The following SNX30 variants were observed in gnomAD, a reference collection of about 807,000 sequenced individuals.
SNX30 encodes sorting nexin family member 30, also known as sorting nexin-30.
Under a neutral mutation model 46.4 loss-of-function variants are expected in SNX30, and 24 were observed. The ratio of observed to expected loss-of-function variants is 0.52; its 90% confidence interval spans 0.37 to 0.73. The LOEUF (loss-of-function observed/expected upper bound fraction) is 0.73, where lower values mean the gene tolerates loss of function less well. Ranked by LOEUF, SNX30 falls within the 30% of genes least tolerant of loss-of-function variation. The pLI is 0.00. For synonymous variants in SNX30, 189 were observed against 211.5 expected, an observed-to-expected ratio of 0.89 and a Z score of 0.92; for missense variants, 533 against 555.7, an observed-to-expected ratio of 0.96 and a Z score of 0.41.
rs139781990 is a variant in SNX30, at chr9:112,822,536, G to GTTTTTTTTT, written c.459+4725_459+4726insTTTTTTTTT. ...TTTTCTTTTGTCCCTTTGCTGTTTT[G>GTTTTTTTTT]TTTTGTTTTTTTTTTTTGTAAGAAC... On this transcript the variant is annotated intron_variant, in intron 3 of 8. Transcript: ENST00000374232. Among the ~76,000 whole-genome samples, 103 of 123,672 alleles carry GTTTTTTTTT rather than the reference G, an allele frequency of 8.3e-4. 8 individuals are homozygous for GTTTTTTTTT. The highest frequency in any genetic ancestry group is 4.7e-3 in the Middle Eastern group (1 of 212). 81.1% of individuals were successfully genotyped at this position (123,672 alleles called of 152,430 possible). A position where few individuals can be genotyped will look rare whatever the true frequency, so the allele number is the denominator to read the frequency against.
chr9:112,878,699 G>A (rs56024259), downstream of SNX30: 22,720 of 152,156 alleles, frequency 0.15, 1,914 homozygotes, highest in Non-Finnish European at 0.19. Flanking sequence ...ACACAGTCAC[G>A]TGCTATTCTT....
At chr9:112,885,440 G>GTATATATATATATGTGTATATA (rs1554759747), downstream of SNX30, 1 of 147,498 alleles carries the variant, frequency 6.8e-6, no homozygotes, top group African/African-American at 2.5e-5. Context: ...ATATATATGT[G>GTATATATATATATGTGTATATA]TATATATATA....
intron 1 of SNX30, among the ~76,000 whole-genome samples, chr9:112,791,710 G>C (rs1367552349): frequency 2.0e-5 from 3 of 151,974 alleles, no homozygotes; most frequent in African/African-American, 7.3e-5. Context: ...CACCTGGCCG[G>C]GAACTTTCTT....
intron 1 of SNX30, among the ~76,000 whole-genome samples, chr9:112,795,184 G>T (rs1034326122): frequency 6.6e-5 from 10 of 152,154 alleles, no homozygotes; most frequent in African/African-American, 2.4e-4. Flanking sequence ...GTCTGTGTGT[G>T]TGTGTATGAG....
At chr9:112,751,516 A>G (rs1338145318) in intron 1 of SNX30, among the ~76,000 whole-genome samples, 1 of 152,222 alleles carries the variant, frequency 6.6e-6, no homozygotes, top group Non-Finnish European at 1.5e-5. Context: ...GAGCTGCTGC[A>G]TAACTTGTAG....
In SNX30 at chr9:112,750,955, G is replaced by T. The variant is rs894100720; in HGVS notation, c.-47G>T. 7.5e-6 allele frequency: 9 copies of T among 1,197,488 alleles called. No homozygotes were observed. In the African/African-American group the frequency reaches 1.1e-4, roughly 15 times the overall value. The allele number at this position is 1,197,488 out of a possible 1,614,324, so 74.2% of individuals were successfully genotyped here. Reference sequence around the variant, plus strand: ...GGGTGCTCGGGGAGCTCGCCGCGGCGGGCAGCAGGAGGAAGCGGCGGCGGC... The same window carrying T: ...GGGTGCTCGGGGAGCTCGCCGCGGCTGGCAGCAGGAGGAAGCGGCGGCGGC... On this transcript the variant is annotated 5_prime_UTR_variant, in exon 1 of 9. Coordinates refer to ENST00000374232, the MANE Select transcript of SNX30 (RefSeq NM_001012994.2).
At chr9:112,830,951 T>C in intron 4 of SNX30, 68 bp downstream of exon 4, 1 of 1,503,488 alleles carries the variant, frequency 6.7e-7, no homozygotes, top group Non-Finnish European at 8.9e-7. Flanking sequence ...TAAAAGCTGT[T>C]TTGAGCAGGA....
chr9:112,879,697 CCCTT>C (rs1841554329), downstream of SNX30: 14 of 1,481,584 alleles, frequency 9.4e-6, no homozygotes, highest in Non-Finnish European at 1.3e-5. Context: ...GTTCCCTGGT[CCCTT>C]CTTTTGTCTT....
intron 6 of SNX30, among the ~76,000 whole-genome samples, chr9:112,839,369 C>T (rs10817393): frequency 0.061 from 9,293 of 152,114 alleles, 647 homozygotes; most frequent in African/African-American, 0.16. Context: ...AAAAGTGATA[C>T]GAATTTGAAA....
chr9:112,817,274 G>A (rs968383807), intron 2 of SNX30, among the ~76,000 whole-genome samples: 9 of 151,550 alleles, frequency 5.9e-5, no homozygotes, highest in Non-Finnish European at 1.0e-4. Flanking sequence ...AATATCCTAA[G>A]TGGATTTTTT....
At chr9:112,793,424 G>A (rs1200290085) in intron 1 of SNX30, among the ~76,000 whole-genome samples, 1 of 152,128 alleles carries the variant, frequency 6.6e-6, no homozygotes, top group East Asian at 1.9e-4. Flanking sequence ...TCTGCTGGTG[G>A]CCCACACTTG....
At chr9:112,755,566 AG>A (rs1373867676) in intron 1 of SNX30, among the ~76,000 whole-genome samples, 1 of 151,966 alleles carries the variant, frequency 6.6e-6, no homozygotes, top group African/African-American at 2.4e-5. Context: ...TATATTGAAA[AG>A]GATCACATAG....
In SNX30 at chr9:112,874,295, T is replaced by G. The variant is rs1434141834; in HGVS notation, c.*5452T>G. ...CCCCTGAAGTTTGGATGAAGTCTGG[T>G]GGATTCCCTGTCTGTTGTATTTCTG... On this transcript the variant is annotated 3_prime_UTR_variant, in exon 9 of 9. Coordinates refer to ENST00000374232, the MANE Select transcript of SNX30 (RefSeq NM_001012994.2). 1 of 152,206 alleles carries G rather than the reference T, an allele frequency of 6.6e-6. No homozygotes were observed. The highest frequency in any genetic ancestry group is 2.4e-5 in the African/African-American group (1 of 41,444). The allele number at this position is 152,206 out of a possible 1,614,324, so 9.4% of individuals were successfully genotyped here. A position where few individuals can be genotyped will look rare whatever the true frequency, so the allele number is the denominator to read the frequency against.
intron 1 of SNX30, among the ~76,000 whole-genome samples, chr9:112,752,637 T>C (rs538559688): frequency 6.6e-6 from 1 of 152,330 alleles, no homozygotes; most frequent in South Asian, 2.1e-4. Flanking sequence ...TAAATTTGCT[T>C]TCTTATCGAC....
At chr9:112,847,168 T>C (rs1840950774) in intron 6 of SNX30, among the ~76,000 whole-genome samples, 1 of 152,250 alleles carries the variant, frequency 6.6e-6, no homozygotes, top group Admixed American at 6.5e-5. Flanking sequence ...ATATTGTGTT[T>C]CTATTGTTTA....
chr9:112,808,616 A>G (rs183839084), intron 2 of SNX30, among the ~76,000 whole-genome samples: 2 of 152,194 alleles, frequency 1.3e-5, no homozygotes, highest in African/African-American at 4.8e-5. Flanking sequence ...TTCATTGTAG[A>G]AAAAAAAGAA....
At chr9:112,864,428 TC>T in intron 8 of SNX30, 29 bp downstream of exon 8, 1 of 1,613,442 alleles carries the variant, frequency 6.2e-7, no homozygotes, top group Non-Finnish European at 8.5e-7. Flanking sequence ...AAGACTGGTT[TC>T]TAATGGCCAG....
At chr9:112,819,911 A>G (rs1222079814) in intron 3 of SNX30, among the ~76,000 whole-genome samples, 1 of 152,180 alleles carries the variant, frequency 6.6e-6, no homozygotes. Flanking sequence ...AGCTTTCTTC[A>G]CTGTACAATT....
chr9:112,769,883 A>G (rs1588109893), intron 1 of SNX30, among the ~76,000 whole-genome samples: 1 of 152,172 alleles, frequency 6.6e-6, no homozygotes, highest in South Asian at 2.1e-4. Context: ...TTCCAAGGAT[A>G]AGCCTTGGAA....
Sources: gnomAD v4.1 joint callset for allele counts (sites outside exome capture counted in the v4.1 genomes callset) on GRCh38, gnomAD v4.1.1 for gene constraint, MANE v1.5 for transcripts, NCBI Gene and HGNC (gene_info 2026-07-23, HGNC 2026-07-21) for gene names.